The following NFS1 variants were observed in gnomAD, a reference collection of about 807,000 sequenced individuals.
NFS1 encodes cysteine desulfurase.
NFS1 carries 26 observed loss-of-function variants against 57.3 expected under a neutral mutation model. That is an observed-to-expected ratio of 0.45 (90% CI 0.33 to 0.63). The LOEUF (loss-of-function observed/expected upper bound fraction) is 0.63, where lower values mean the gene tolerates loss of function less well. Among genes scored for constraint, NFS1 ranks in the 20% least tolerant of loss-of-function variants. The pLI is 0.02. For synonymous variants in NFS1, 209 were observed against 216.3 expected (o/e 0.97, Z 0.30); for missense variants, 505 against 605.8 (o/e 0.83, Z 1.75).
chr20:35,676,717 A>G (rs866156110), intron 7 of NFS1, among the ~76,000 whole-genome samples: 2 of 149,792 alleles, frequency 1.3e-5, no homozygotes, highest in African/African-American at 4.9e-5. Flanking sequence ...ATAATTGTAG[A>G]AAAACCCAAG....
At position 35,690,951 on chromosome 20, in the gene NFS1, C is replaced by T. The variant is rs528981474; in HGVS notation, c.409-386G>A. 2.0e-5 allele frequency among the ~76,000 whole-genome samples: 3 copies of T among 152,216 alleles called. No homozygotes were observed. The South Asian group carries it at 6.2e-4, about 32-fold the overall frequency. ...CAACACCAGTGAATCCTAATATAAG[C>T]TATGGACTTTGGGTGATAATGATGT... On this transcript the variant is annotated intron_variant, in intron 4 of 12. Transcript: ENST00000374092.
chr20:35,694,247 T>A (rs1368413176), intron 4 of NFS1, among the ~76,000 whole-genome samples: 1 of 151,528 alleles, frequency 6.6e-6, no homozygotes, highest in Non-Finnish European at 1.5e-5. Context: ...TGGGTTCAAC[T>A]GATTCTCCTG....
At chr20:35,696,598 A>G in intron 3 of NFS1, 138 bp from the exon 4 acceptor site, 5 of 616,226 alleles carry the variant, frequency 8.1e-6, no homozygotes, top group Non-Finnish European at 1.5e-5. Context: ...GTCTGCACCT[A>G]CAAGAATCAG....
chr20:35,693,691 C>T (rs773647234), intron 4 of NFS1, among the ~76,000 whole-genome samples: 5 of 152,038 alleles, frequency 3.3e-5, no homozygotes, highest in Admixed American at 1.3e-4. Flanking sequence ...AGGCCGGGCG[C>T]GGTGGTTCAC....
At chr20:35,682,459 A>G (rs1212586834) in intron 5 of NFS1, among the ~76,000 whole-genome samples, 2 of 152,228 alleles carry the variant, frequency 1.3e-5, no homozygotes, top group African/African-American at 4.8e-5. Context: ...CACACGCAGC[A>G]GTGAATGAAT....
intron 5 of NFS1, chr20:35,682,768 A>G (rs2034870854): frequency 6.6e-6 from 1 of 151,134 alleles, no homozygotes. Context: ...TGACAGAGTG[A>G]GACTCTGCCT....
At position 35,698,582 on chromosome 20, in the gene NFS1, G is replaced by T; in HGVS notation, c.106C>A (p.Arg36Ser). ...GCGGGAACCGCAGACTGAGGAGCAC[G>T]GTCTCCAACTGATAAAAAATGGAAC... ...TRGLRLRVGD[R>S]APQSAVPADT... The change falls in exon 2 of 13, where the codon CGT (arginine) becomes AGT (serine). Residue 36 changes from arginine (R) to serine (S), a missense_variant. Transcript: ENST00000374092. 6.3e-7 allele frequency: 1 copy of T among 1,599,348 alleles called. No individual in the cohort carries two copies. The highest frequency in any genetic ancestry group is 2.2e-5 in the East Asian group (1 of 44,732).
chr20:35,699,289 G>T lies in NFS1; in HGVS notation c.-1C>A, dbSNP rs1257990411. The T allele has an allele frequency of 1.4e-6, 2 of 1,405,456 alleles. No homozygotes were observed. The highest frequency in any genetic ancestry group is 1.8e-6 in the Non-Finnish European group (2 of 1,087,966). The allele number at this position is 1,405,456 out of a possible 1,614,324, so 87.1% of individuals were successfully genotyped here. ...GCCTCCAAGCGGCTCGGAGCAGCATGGTCCCGCTGGCAGAGCCCACCTTCC... is the reference window on the plus strand; with the variant it reads ...GCCTCCAAGCGGCTCGGAGCAGCATTGTCCCGCTGGCAGAGCCCACCTTCC... On this transcript the variant is annotated 5_prime_UTR_variant, in exon 1 of 13. Coordinates refer to ENST00000374092, the MANE Select transcript of NFS1 (RefSeq NM_021100.5). The surrounding 1 kb of genome is among the most constrained non-coding windows in gnomAD (Gnocchi z 4.4).
chr20:35,690,237 G>A (rs2035019526), intron 5 of NFS1, among the ~76,000 whole-genome samples, 176 bp downstream of exon 5: 1 of 152,024 alleles, frequency 6.6e-6, no homozygotes, highest in South Asian at 2.1e-4. Context: ...GAGAAAAGGA[G>A]GACAGTACAC....
chr20:35,697,726 A>G lies in NFS1; in HGVS notation c.282T>C (p.Ala94=). Residue 94 remains alanine, a synonymous_variant, in exon 3 of 13, where the codon GCT becomes GCC. Transcript: ENST00000374092. ...YYGNPHSRTH[A]YGWESEAAME... Reference sequence around the variant, plus strand: ...TGGCTGCCTCACTCTCCCAGCCATAAGCATGTGTCCGGGAGTGTGGGTTCC... The same window carrying G: ...TGGCTGCCTCACTCTCCCAGCCATAGGCATGTGTCCGGGAGTGTGGGTTCC... The G allele has an allele frequency of 6.2e-7, 1 of 1,614,010 alleles. No individual in the cohort carries two copies. The highest frequency in any genetic ancestry group is 8.5e-7 in the Non-Finnish European group (1 of 1,179,956).
At chr20:35,675,017 T>G in intron 8 of NFS1, 28 bp downstream of exon 8, 3 of 1,613,634 alleles carry the variant, frequency 1.9e-6, no homozygotes, top group Non-Finnish European at 1.7e-6. Context: ...GGGGAAGAAG[T>G]TGTGGGAGGG....
intron 6 of NFS1, 118 bp from the exon 7 acceptor site, chr20:35,680,989 C>T (rs917008982): frequency 2.5e-6 from 2 of 804,384 alleles, no homozygotes; most frequent in East Asian, 6.2e-5. Context: ...AAACTCCTCC[C>T]CTCCCTCCTT....
Position 35,693,919 on chromosome 20 carries a change from G to A in NFS1, c.408+2458C>T, listed in dbSNP as rs1359404875. Among the ~76,000 whole-genome samples the A allele has an allele frequency of 1.2e-4, 18 of 151,862 alleles. 1 individual carries two copies. Among genetic ancestry groups the A allele is most frequent in the African/African-American group, 2.7e-4 (11 of 41,380 alleles). On this transcript the variant is annotated intron_variant, in intron 4 of 12. Transcript: ENST00000374092. The stretch of plus-strand genomic sequence containing the variant: ...AGAGCTTGCAGTGAGCTGAGATCAC[G>A]CCACTGCACTCCAGCCTGGGCGACA...
intron 12 of NFS1, among the ~76,000 whole-genome samples, chr20:35,670,915 T>G (rs929286039): frequency 6.6e-6 from 1 of 151,428 alleles, no homozygotes; most frequent in Non-Finnish European, 1.5e-5. Flanking sequence ...GGAAGCAGAG[T>G]ATATACCTGA....
intron 5 of NFS1, among the ~76,000 whole-genome samples, chr20:35,686,924 T>C (rs1427108687): frequency 1.3e-5 from 2 of 152,094 alleles, no homozygotes; most frequent in African/African-American, 4.8e-5. Context: ...AATCATAACC[T>C]AGGAAAAACC....
At position 35,693,179 on chromosome 20, in the gene NFS1, T is replaced by C. The variant is rs186333651; in HGVS notation, c.409-2614A>G. On this transcript the variant is annotated intron_variant, in intron 4 of 12. Transcript: ENST00000374092. Reference sequence around the variant, plus strand: ...GTGCAGTGGTGTGGTCTCGGCCCACTGCAACCTCTGCCTCCCGAGTTCAAG... The same window carrying C: ...GTGCAGTGGTGTGGTCTCGGCCCACCGCAACCTCTGCCTCCCGAGTTCAAG... 1.7e-3 allele frequency among the ~76,000 whole-genome samples: 266 copies of C among 152,114 alleles called. 1 individual carries two copies. The highest frequency in any genetic ancestry group is 9.2e-3 in the South Asian group (44 of 4,808).
chr20:35,672,697 C>A, intron 12 of NFS1, 58 bp downstream of exon 12: 1 of 1,211,366 alleles, frequency 8.3e-7, no homozygotes, highest in Middle Eastern at 2.4e-4. Flanking sequence ...AGCCTAAGGA[C>A]AAGAGGGGAG....
At chr20:35,683,391 A>G (rs1385757208) in intron 5 of NFS1, among the ~76,000 whole-genome samples, 3 of 151,512 alleles carry the variant, frequency 2.0e-5, no homozygotes, top group Admixed American at 1.3e-4. Flanking sequence ...CTGAGGCAGG[A>G]GAATCGCTTG....
chr20:35,696,791 A>C (rs1172514865), intron 3 of NFS1, among the ~76,000 whole-genome samples: 1 of 152,136 alleles, frequency 6.6e-6, no homozygotes, highest in Non-Finnish European at 1.5e-5. Flanking sequence ...CAACATGGTG[A>C]AACTCCATTT....
Sources: allele counts gnomAD v4.1 joint callset (sites outside exome capture counted in the v4.1 genomes callset), GRCh38; gene constraint gnomAD v4.1.1; non-coding constraint Gnocchi (gnomAD v3.1); transcripts MANE v1.5; gene names NCBI Gene and HGNC (gene_info 2026-07-23, HGNC 2026-07-21).